Variants in DOCK11 observed in about 807,000 individuals in gnomAD.
The protein encoded by DOCK11 is dedicator of cytokinesis protein 11.
In DOCK11, 70 loss-of-function variants were observed where a neutral mutation model predicts 169.1. That is an observed-to-expected ratio of 0.41 (90% CI 0.34 to 0.51). DOCK11 has a LOEUF of 0.51. Among genes scored for constraint, DOCK11 ranks in the 20% least tolerant of loss-of-function variants. The probability of loss-of-function intolerance (pLI) is 0.10; values close to 1 mark genes in which losing one functional copy is unlikely to be tolerated. For synonymous variants in DOCK11, 529 were observed against 541.3 expected, an observed-to-expected ratio of 0.98 and a Z score of 0.32; for missense variants, 1,166 against 1,538.8, an observed-to-expected ratio of 0.76 and a Z score of 4.05.
At chrX:118,630,781 A>G (rs1284587678) in intron 35 of DOCK11, among the ~76,000 whole-genome samples, 1 of 112,694 alleles carries the variant, frequency 8.9e-6, no homozygotes, top group Non-Finnish European at 1.9e-5. Flanking sequence ...CATGCAGAGC[A>G]TTTAATTCAT....
chrX:118,648,033 A>T (rs866166171), intron 40 of DOCK11, among the ~76,000 whole-genome samples: 1 of 44,285 alleles, frequency 2.3e-5, no homozygotes, highest in Non-Finnish European at 3.8e-5. Flanking sequence ...TTATAATATT[A>T]TATAATAATA....
rs2015214642 is a variant in DOCK11 at position 118,630,601 on chromosome X, T to C, written c.3886+111T>C. Reference sequence around the variant, plus strand: ...ATCTGGAGGCAGAGCACATGCACATTATAAACAGTTATTTGGAGACTCTGA... The same window carrying C: ...ATCTGGAGGCAGAGCACATGCACATCATAAACAGTTATTTGGAGACTCTGA... On this transcript the variant is annotated intron_variant, in intron 35 of 52. Coordinates refer to ENST00000276202, the MANE Select transcript of DOCK11 (RefSeq NM_144658.4). 5 of 394,689 alleles carry C rather than the reference T, an allele frequency of 1.3e-5. No homozygotes were observed. The East Asian group carries it at 2.0e-4, about 16-fold the overall frequency. 32.5% of individuals were successfully genotyped at this position (394,689 alleles called of 1,213,427 possible). A position where few individuals can be genotyped will look rare whatever the true frequency, so the allele number is the denominator to read the frequency against.
At chrX:118,516,097 T>C (rs1243530349) in intron 1 of DOCK11, among the ~76,000 whole-genome samples, 1 of 80,738 alleles carries the variant, frequency 1.2e-5, no homozygotes, top group Non-Finnish European at 2.3e-5. Flanking sequence ...CTTTTTCTTT[T>C]TTTTTTTTTT....
At chrX:118,588,564 G>T (rs1298387121) in intron 18 of DOCK11, 86 bp downstream of exon 18, 3 of 701,743 alleles carry the variant, frequency 4.3e-6, no homozygotes, top group African/African-American at 4.4e-5. Flanking sequence ...GGTTTAATTT[G>T]TATCAACATC....
In DOCK11 at chrX:118,523,367, A is replaced by T. The variant is rs770793404; in HGVS notation, c.103-19358A>T. On this transcript the variant is annotated intron_variant, in intron 1 of 52. Coordinates refer to ENST00000276202, the MANE Select transcript of DOCK11 (RefSeq NM_144658.4). ...TTTCTAGAAATATCCTTCTCATTGG[A>T]TTCTTGGTTAAATGAATGCATGTGC... Among the ~76,000 whole-genome samples, 7 of 112,336 alleles carry T rather than the reference A, an allele frequency of 6.2e-5. No individual in the cohort carries two copies. In the East Asian group the frequency reaches 2.0e-3, roughly 31 times the overall value.
intron 1 of DOCK11, among the ~76,000 whole-genome samples, chrX:118,501,001 T>C (rs2057572385): frequency 9.0e-6 from 1 of 111,479 alleles, no homozygotes; most frequent in South Asian, 3.7e-4. Context: ...TTTTTTGATG[T>C]CAATAAATAC....
In DOCK11 at chrX:118,636,405, CT is replaced by C; in HGVS notation, c.3950del (p.Leu1317Ter). ...SPQELINILILLEVCLFHFRY... is the reference protein window; with the variant it reads ...SPQELINILIXLEVCLFHFRY... ...TCAGGAGCTCATAAACATTCTTATA[CT>C]TTTAGAGTAAGTTATATTAATTTAT... On this transcript the variant is annotated frameshift_variant, in exon 36 of 53. Coordinates refer to ENST00000276202, the MANE Select transcript of DOCK11 (RefSeq NM_144658.4). LOFTEE classifies it high-confidence loss of function. 1 of 1,019,729 alleles carries C rather than the reference CT, an allele frequency of 9.8e-7. No individual in the cohort carries two copies. The highest frequency in any genetic ancestry group is 1.3e-6 in the Non-Finnish European group (1 of 744,456). 84.0% of individuals were successfully genotyped at this position (1,019,729 alleles called of 1,213,427 possible).
chrX:118,663,911 G>A (rs1357089757), intron 45 of DOCK11, among the ~76,000 whole-genome samples: 1 of 109,994 alleles, frequency 9.1e-6, no homozygotes, highest in Non-Finnish European at 1.9e-5. Context: ...TTGACCTCAT[G>A]ATCCACCTGC....
chrX:118,670,023 G>A (rs560660866), intron 45 of DOCK11, among the ~76,000 whole-genome samples: 1 of 111,745 alleles, frequency 8.9e-6, no homozygotes, highest in African/African-American at 3.3e-5. Context: ...GATCATATCT[G>A]CAATGACTTT....
At chrX:118,660,608 G>A (rs1569444277) in intron 44 of DOCK11, among the ~76,000 whole-genome samples, 1 of 109,019 alleles carries the variant, frequency 9.2e-6, no homozygotes, top group Non-Finnish European at 1.9e-5. Flanking sequence ...GGGACTACAG[G>A]CACCCGCCAC....
At chrX:118,580,409 T>G (rs2013590229) in intron 14 of DOCK11, among the ~76,000 whole-genome samples, 1 of 111,722 alleles carries the variant, frequency 9.0e-6, no homozygotes, top group African/African-American at 3.2e-5. Context: ...CTCCGCCTCT[T>G]GGGTTCAAGC....
rs775668545 is a variant in DOCK11 at position 118,648,004 on chromosome X, T to TAATAA, written c.4399-941_4399-940insAATAA. Among the ~76,000 whole-genome samples, 72 of 40,993 alleles carry TAATAA rather than the reference T, an allele frequency of 1.8e-3. 1 individual carries two copies. The highest frequency in any genetic ancestry group is 2.2e-3 in the Non-Finnish European group (53 of 23,700). The allele number at this position is 40,993 out of a possible 115,157, so 35.6% of individuals were successfully genotyped here. A position where few individuals can be genotyped will look rare whatever the true frequency, so the allele number is the denominator to read the frequency against. On this transcript the variant is annotated intron_variant, in intron 40 of 52. Coordinates refer to ENST00000276202, the MANE Select transcript of DOCK11 (RefSeq NM_144658.4). ...ATATATAATAATATATAATATATTA[T>TAATAA]TATAATATATAATATAAATTATAAT...
At chrX:118,505,108 C>T (rs760873877) in intron 1 of DOCK11, among the ~76,000 whole-genome samples, 3 of 112,385 alleles carry the variant, frequency 2.7e-5, no homozygotes, top group African/African-American at 9.7e-5. Context: ...ACTGTAACCT[C>T]CGCCTCCTGG....
At chrX:118,673,237 T>C (rs1389057796) in intron 46 of DOCK11, among the ~76,000 whole-genome samples, 9 of 112,171 alleles carry the variant, frequency 8.0e-5, no homozygotes, top group African/African-American at 2.9e-4. Flanking sequence ...ACAGGGGAAC[T>C]ACTCCTATTT....
At chrX:118,645,419 C>T (rs1287169) in intron 40 of DOCK11, among the ~76,000 whole-genome samples, 56,238 of 110,336 alleles carry the variant, frequency 0.51, 11,044 homozygotes, top group East Asian at 0.87. Flanking sequence ...ATGAGCCGGG[C>T]GCAGTGGTTC....
In DOCK11 at chrX:118,568,864, C is replaced by T. The variant is rs185640040; in HGVS notation, c.1035+702C>T. ...AAATATTTTTCCTAATGGAAAATAC[C>T]TTTTGAAAAAATGAAATTGAGGAAG... On this transcript the variant is annotated intron_variant, in intron 10 of 52. Transcript: ENST00000276202. 4.5e-3 allele frequency among the ~76,000 whole-genome samples: 498 copies of T among 111,047 alleles called. 2 individuals are homozygous for T. The highest frequency in any genetic ancestry group is 0.015 in the African/African-American group (468 of 30,707).
intron 23 of DOCK11, among the ~76,000 whole-genome samples, chrX:118,601,134 G>A (rs886082168): frequency 9.0e-6 from 1 of 111,434 alleles, no homozygotes; most frequent in African/African-American, 3.3e-5. Context: ...TCATTAAGAC[G>A]TATAATAGGC....
chrX:118,524,586 T>C (rs181966628), intron 1 of DOCK11, among the ~76,000 whole-genome samples: 96 of 111,514 alleles, frequency 8.6e-4, no homozygotes, highest in African/African-American at 2.7e-3. Context: ...AAATAGACAT[T>C]TCTTTGAAGA....
intron 24 of DOCK11, among the ~76,000 whole-genome samples, chrX:118,606,737 G>A (rs2014516014): frequency 9.0e-6 from 1 of 111,468 alleles, no homozygotes; most frequent in Admixed American, 9.5e-5. Flanking sequence ...GAAACTTTAG[G>A]CCAGTGGTTT....
Sources: allele counts gnomAD v4.1 joint callset (sites outside exome capture counted in the v4.1 genomes callset), GRCh38; gene constraint gnomAD v4.1.1; transcripts MANE v1.5; gene names NCBI Gene and HGNC (gene_info 2026-07-23, HGNC 2026-07-21).